The following BAZ2B variants were observed in gnomAD, a reference collection of about 807,000 sequenced individuals.
The protein encoded by BAZ2B is bromodomain adjacent to zinc finger domain 2B, also known as bromodomain adjacent to zinc finger domain protein 2B.
Under a neutral mutation model 246.0 loss-of-function variants are expected in BAZ2B, and 91 were observed. The observed-to-expected ratio is 0.37, with a 90% CI of 0.31 to 0.44. The LOEUF (loss-of-function observed/expected upper bound fraction) is 0.44, where lower values mean the gene tolerates loss of function less well. BAZ2B is among the 20% of genes least tolerant of loss of function. The pLI is 1.00. For missense variants in BAZ2B, 2,332 were observed against 2,533.7 expected (o/e 0.92, Z 1.71); for synonymous variants, 855 against 860.0 (o/e 0.99, Z 0.10).
At chr2:159,502,368 C>T (rs1200118359) in intron 2 of BAZ2B, among the ~76,000 whole-genome samples, 2 of 151,208 alleles carry the variant, frequency 1.3e-5, no homozygotes, top group African/African-American at 2.4e-5. Flanking sequence ...TTTACACCTG[C>T]AGTCCCAGCA....
chr2:159,395,830 C>T lies in BAZ2B; in HGVS notation c.3014G>A (p.Arg1005Gln), dbSNP rs2063936591. ...QQAVLLKHQERERRRQHMMLM... is the reference protein window; with the variant it reads ...QQAVLLKHQEQERRRQHMMLM... ...CATCATGTGTTGTCGCCTTCGCTCT[C>T]GTTCCTATTAGGCCAGATAAAATGT... The change falls in exon 20 of 37, where the codon CGA (arginine) becomes CAA (glutamine). Residue 1005 changes from arginine to glutamine, a missense_variant. Transcript: ENST00000392783. 5.0e-6 allele frequency: 8 copies of T among 1,609,914 alleles called. No individual in the cohort carries two copies. The highest frequency in any genetic ancestry group is 2.2e-5 in the South Asian group (2 of 90,340).
chr2:159,586,868 A>G (rs1688125832), intron 1 of BAZ2B, among the ~76,000 whole-genome samples: 1 of 152,160 alleles, frequency 6.6e-6, no homozygotes, highest in East Asian at 1.9e-4. Context: ...TTTTCCACTT[A>G]CAGTTTGATC....
In BAZ2B at chr2:159,494,885, G is replaced by T. The variant is rs1239572650; in HGVS notation, c.-2-16164C>A. Among the ~76,000 whole-genome samples, 3 of 57,000 alleles carry T rather than the reference G, an allele frequency of 5.3e-5. No homozygotes were observed. In the East Asian group the frequency reaches 1.3e-3, roughly 25 times the overall value. The allele number at this position is 57,000 out of a possible 152,430, so 37.4% of individuals were successfully genotyped here. On this transcript the variant is annotated intron_variant, in intron 2 of 36. Coordinates refer to ENST00000392783, the MANE Select transcript of BAZ2B (RefSeq NM_013450.4). ...TTAGGTCAAATACACTACCTCAAGG[G>T]TTTATACTCTAGAGTAGGTTGGAGC...
chr2:159,384,907 C>CA (rs1206043647), intron 23 of BAZ2B, among the ~76,000 whole-genome samples: 1 of 151,918 alleles, frequency 6.6e-6, no homozygotes, highest in African/African-American at 2.4e-5. Flanking sequence ...AATTATTAAA[C>CA]AAAACAGGTG....
At position 159,361,525 on chromosome 2, in the gene BAZ2B, T is replaced by C. The variant is rs575751573; in HGVS notation, c.4214-11168A>G. Among the ~76,000 whole-genome samples the C allele has an allele frequency of 7.9e-5, 12 of 152,324 alleles. No individual in the cohort carries two copies. The East Asian group carries it at 9.6e-4, about 12-fold the overall frequency. On this transcript the variant is annotated intron_variant, in intron 27 of 36. Coordinates refer to ENST00000392783, the MANE Select transcript of BAZ2B (RefSeq NM_013450.4). The stretch of plus-strand genomic sequence containing the variant: ...GTGGTAGTGTACATTAGTTCAACCA[T>C]TGTGGAAGACAGTGTGGTGATTCCT...
intron 2 of BAZ2B, among the ~76,000 whole-genome samples, chr2:159,531,496 G>A (rs1244592565): frequency 1.3e-5 from 2 of 152,014 alleles, no homozygotes; most frequent in African/African-American, 4.8e-5. Flanking sequence ...ACCTCAATTT[G>A]TACTGAAATG....
At chr2:159,410,376 G>C (rs978489642) in intron 14 of BAZ2B, among the ~76,000 whole-genome samples, 3 of 152,220 alleles carry the variant, frequency 2.0e-5, no homozygotes, top group Admixed American at 2.0e-4. Context: ...ACGTGTCAAA[G>C]GAGGGACCTG....
At chr2:159,617,744 T>C (rs1379915788), upstream of BAZ2B, among the ~76,000 whole-genome samples, 1 of 151,642 alleles carries the variant, frequency 6.6e-6, no homozygotes, top group Non-Finnish European at 1.5e-5. Context: ...TATTAACACA[T>C]GGGGAGATTT....
At chr2:159,536,475 G>T (rs2086005313) in intron 2 of BAZ2B, 1 of 152,070 alleles carries the variant, frequency 6.6e-6, no homozygotes, top group Non-Finnish European at 1.5e-5. Flanking sequence ...GAAAGAACAG[G>T]CTGAGAAATT....
In BAZ2B at chr2:159,324,878, C is replaced by T. The variant is rs1229123583; in HGVS notation, c.6286G>A (p.Gly2096Ser). Residue 2096 changes from glycine (G) to serine (S), a missense_variant, in exon 36 of 37, where the codon GGT becomes AGT. By Grantham distance (56) the Gly-to-Ser change is moderately conservative. This residue lies in a region of BAZ2B where 210 missense variants were observed against 232.5 expected (regional missense o/e 0.90). Coordinates refer to ENST00000392783, the MANE Select transcript of BAZ2B (RefSeq NM_013450.4). ...GGCTTCTTAATAACTTTCTTATAAC[C>T]AGGAACAAGTTTCAAGTTTACAGGA... is the stretch of plus-strand genomic sequence containing the variant. ...LLPVNLKLVP[G>S]YKKVIKKPMD... The T allele has an allele frequency of 1.3e-6, 2 of 1,554,070 alleles. No homozygotes were observed. The highest frequency in any genetic ancestry group is 1.7e-6 in the Non-Finnish European group (2 of 1,158,012).
chr2:159,336,080 G>T (rs1176381152), intron 33 of BAZ2B, among the ~76,000 whole-genome samples: 1 of 152,138 alleles, frequency 6.6e-6, no homozygotes, highest in African/African-American at 2.4e-5. Context: ...AGAATCCCCT[G>T]AACCCAGGAG....
chr2:159,383,766 A>C, intron 23 of BAZ2B, 86 bp from the exon 24 acceptor site: 1 of 1,145,820 alleles, frequency 8.7e-7, no homozygotes, highest in Non-Finnish European at 1.3e-6. Flanking sequence ...TTGATACGTA[A>C]ATTAATGCAT....
At chr2:159,518,335 T>A (rs1056417633) in intron 2 of BAZ2B, among the ~76,000 whole-genome samples, 2 of 152,202 alleles carry the variant, frequency 1.3e-5, no homozygotes, top group Non-Finnish European at 2.9e-5. Flanking sequence ...CCCTCAGAGC[T>A]GACAAATGAG....
intron 2 of BAZ2B, among the ~76,000 whole-genome samples, chr2:159,525,794 A>T (rs2151289650): frequency 6.6e-6 from 1 of 152,342 alleles, no homozygotes; most frequent in East Asian, 1.9e-4. Flanking sequence ...TGTAAAAAAA[A>T]TAGTGGGAGA....
intron 2 of BAZ2B, among the ~76,000 whole-genome samples, chr2:159,553,620 AG>A (rs147506678): frequency 0.022 from 3,411 of 152,098 alleles, 128 homozygotes; most frequent in African/African-American, 0.077. Context: ...GATAATGGCC[AG>A]GAAGAAGGGA....
At position 159,530,301 on chromosome 2, in the gene BAZ2B, A is replaced by G. The variant is rs192117634; in HGVS notation, c.-3+25522T>C. Among the ~76,000 whole-genome samples, 59 of 152,334 alleles carry G rather than the reference A, an allele frequency of 3.9e-4. 2 individuals are homozygous for G. The East Asian group carries it at 0.011, about 28-fold the overall frequency. On this transcript the variant is annotated intron_variant, in intron 2 of 36. Transcript: ENST00000392783. ...TGTAATGCCTCTACTTTTAATTTTA[A>G]CCATGACTTATTACTCTTCAGTATA... is the stretch of plus-strand genomic sequence containing the variant.
intron 19 of BAZ2B, 61 bp downstream of exon 19, chr2:159,397,284 T>A: frequency 7.4e-7 from 1 of 1,353,982 alleles, no homozygotes; most frequent in Admixed American, 2.3e-5. Flanking sequence ...TTCCCCCAAA[T>A]AGGTTTAAGC....
At chr2:159,325,570 G>T (rs2148819172) in intron 35 of BAZ2B, 83 bp downstream of exon 35, 3 of 1,399,344 alleles carry the variant, frequency 2.1e-6, no homozygotes, top group South Asian at 1.4e-5. Flanking sequence ...TTATCAGAAA[G>T]AAAGCTTTAA....
downstream of BAZ2B, among the ~76,000 whole-genome samples, chr2:159,318,405 C>G (rs1558913479): frequency 6.6e-6 from 1 of 152,234 alleles, no homozygotes; most frequent in Non-Finnish European, 1.5e-5. Context: ...TGAAAATACT[C>G]TGTGGCTTTG....
Sources: gnomAD v4.1 joint callset for allele counts (sites outside exome capture counted in the v4.1 genomes callset) on GRCh38, gnomAD v4.1.1 for gene constraint, gnomAD v4.1.1 regional missense constraint, MANE v1.5 for transcripts, NCBI Gene and HGNC (gene_info 2026-07-23, HGNC 2026-07-21) for gene names.